Variants in SOX6 observed in about 807,000 individuals in gnomAD.
The protein encoded by SOX6 is SRY-box transcription factor 6.
A neutral mutation model predicts 97.8 loss-of-function variants in SOX6; 11 were observed. That is an observed-to-expected ratio of 0.11 (90% CI 0.07 to 0.19). SOX6 has a LOEUF of 0.19. Ranked by LOEUF, SOX6 falls within the 10% of genes least tolerant of loss-of-function variation. The pLI, the probability that SOX6 is intolerant of heterozygous loss-of-function variation, is 1.00. For synonymous variants in SOX6, 360 were observed against 371.4 expected (o/e 0.97, Z 0.35); for missense variants, 810 against 1,039.5 (o/e 0.78, Z 3.04).
At chr11:16,109,751 A>T (rs138252321) in intron 7 of SOX6, among the ~76,000 whole-genome samples, 80 of 152,340 alleles carry the variant, frequency 5.3e-4, no homozygotes, top group Middle Eastern at 6.8e-3. Flanking sequence ...CAAAATATTG[A>T]AAGAATTAGA....
At chr11:16,353,239 G>C (rs1275474911) in intron 1 of SOX6, among the ~76,000 whole-genome samples, 4 of 151,944 alleles carry the variant, frequency 2.6e-5, no homozygotes, top group Non-Finnish European at 4.4e-5. Context: ...GTTGAGAACA[G>C]CCTTGAGAGA....
intron 3 of SOX6, among the ~76,000 whole-genome samples, chr11:16,263,831 A>G (rs1464295282): frequency 6.6e-6 from 1 of 151,896 alleles, no homozygotes; most frequent in Non-Finnish European, 1.5e-5. Context: ...AAAGTCCTCA[A>G]ATGTTAACAG....
intron 1 of SOX6, among the ~76,000 whole-genome samples, chr11:16,461,107 A>G (rs1006193718): frequency 6.6e-5 from 10 of 152,166 alleles, no homozygotes; most frequent in African/African-American, 2.4e-4. Context: ...CACTGACAAG[A>G]GATATTTAGT....
intron 13 of SOX6, among the ~76,000 whole-genome samples, chr11:16,011,198 T>C (rs921501828): frequency 6.6e-6 from 1 of 151,994 alleles, no homozygotes; most frequent in Non-Finnish European, 1.5e-5. Context: ...TCAACAGCTG[T>C]TCACTATTCT....
At chr11:16,129,812 TA>T (rs1849695513) in intron 6 of SOX6, among the ~76,000 whole-genome samples, 1 of 152,068 alleles carries the variant, frequency 6.6e-6, no homozygotes, top group Admixed American at 6.5e-5. Context: ...TCAATCTGAT[TA>T]AAAGTATATT....
intron 4 of SOX6, among the ~76,000 whole-genome samples, chr11:16,563,915 C>T (rs2133193830): frequency 6.6e-6 from 1 of 152,298 alleles, no homozygotes; most frequent in East Asian, 1.9e-4. Flanking sequence ...GCAGATTTCT[C>T]ATCAGAAACC....
At chr11:16,683,875 A>C (rs1358194371) in intron 3 of SOX6, among the ~76,000 whole-genome samples, 1 of 152,234 alleles carries the variant, frequency 6.6e-6, no homozygotes, top group Non-Finnish European at 1.5e-5. Flanking sequence ...CAAAGAACTT[A>C]AACAAATTTA....
chr11:16,475,578 T>C (rs1180813177), intron 1 of SOX6, among the ~76,000 whole-genome samples: 1 of 152,162 alleles, frequency 6.6e-6, no homozygotes, highest in Non-Finnish European at 1.5e-5. Flanking sequence ...TGCCACCTTA[T>C]TTGGGCTTGT....
intron 4 of SOX6, among the ~76,000 whole-genome samples, chr11:16,573,868 G>T (rs976989599): frequency 6.6e-6 from 1 of 151,970 alleles, no homozygotes; most frequent in South Asian, 2.1e-4. Context: ...TGTTTGTATT[G>T]TTCACTTATC....
chr11:16,046,549 T>G lies in SOX6; in HGVS notation c.1588A>C (p.Asn530His), dbSNP rs781084339. Residue 530 changes from asparagine (N) to histidine (H), a missense_variant, in exon 12 of 16, where the codon AAT becomes CAT. This residue lies in a region of SOX6 where 120 missense variants were observed against 127.0 expected (regional missense o/e 0.94). Transcript: ENST00000683767. ...HGVDGKLSSI[N>H]NMGLNSCRNE... ...CTGCAGCTGTTCAGCCCCATATTATTTATGGAGGACAGTTTCCCGTCAACA... is the reference window on the plus strand; with the variant it reads ...CTGCAGCTGTTCAGCCCCATATTATGTATGGAGGACAGTTTCCCGTCAACA... 1.9e-6 allele frequency: 3 copies of G among 1,613,550 alleles called. No individual in the cohort carries two copies. The South Asian group carries it at 3.3e-5, about 18-fold the overall frequency.
rs983261568 is a variant in SOX6 at position 16,696,167 on chromosome 11, C to T, written n.429+18663G>A. Among the ~76,000 whole-genome samples the T allele has an allele frequency of 3.3e-5, 5 of 152,188 alleles. No homozygotes were observed. In the South Asian group the frequency reaches 1.0e-3, roughly 32 times the overall value. Reference sequence around the variant, plus strand: ...ATTGATTATAAACAGAAATTTATCTCAGTCTACCTATTTAAAATCTAAATG... The same window carrying T: ...ATTGATTATAAACAGAAATTTATCTTAGTCTACCTATTTAAAATCTAAATG... On this transcript the variant is annotated intron_variant and non_coding_transcript_variant, in intron 3 of 5. Coordinates refer to the SOX6 transcript ENST00000524520.
At chr11:16,249,096 C>G (rs200904900) in intron 3 of SOX6, among the ~76,000 whole-genome samples, 13 of 146,716 alleles carry the variant, frequency 8.9e-5, no homozygotes, top group Non-Finnish European at 1.5e-4. Context: ...GGCTCTGTCT[C>G]AAAAAAAAAA....
chr11:16,101,506 C>T (rs867597407), intron 7 of SOX6, among the ~76,000 whole-genome samples: 7 of 151,558 alleles, frequency 4.6e-5, no homozygotes, highest in Non-Finnish European at 7.4e-5. Context: ...GTTTTTTCTA[C>T]CTTTAAGAAA....
intron 9 of SOX6, among the ~76,000 whole-genome samples, chr11:16,065,209 T>C (rs1259185352): frequency 6.6e-6 from 1 of 152,048 alleles, no homozygotes; most frequent in Non-Finnish European, 1.5e-5. Context: ...CAATAGCATT[T>C]CTATATTCTA....
chr11:16,319,066 C>T (rs190805989), intron 2 of SOX6, among the ~76,000 whole-genome samples: 1 of 152,166 alleles, frequency 6.6e-6, no homozygotes, highest in Non-Finnish European at 1.5e-5. Flanking sequence ...AACACTCTTC[C>T]CACAACATAA....
intron 6 of SOX6, among the ~76,000 whole-genome samples, chr11:16,158,551 C>T (rs1046329295): frequency 2.0e-5 from 3 of 151,934 alleles, no homozygotes; most frequent in Non-Finnish European, 4.4e-5. Flanking sequence ...CAAATGATGA[C>T]TAAATGTGTA....
intron 6 of SOX6, among the ~76,000 whole-genome samples, chr11:16,153,905 C>A (rs1242100391): frequency 6.6e-6 from 1 of 151,912 alleles, no homozygotes; most frequent in African/African-American, 2.4e-5. Flanking sequence ...TGGAGAGTAC[C>A]ACACAATCTT....
chr11:16,411,408 T>C (rs1858815921), intron 1 of SOX6, among the ~76,000 whole-genome samples: 1 of 152,146 alleles, frequency 6.6e-6, no homozygotes, highest in Non-Finnish European at 1.5e-5. Flanking sequence ...ATGTGAGACA[T>C]ATCTATAAGG....
intron 4 of SOX6, among the ~76,000 whole-genome samples, chr11:16,583,795 A>G (rs1393204660): frequency 6.6e-6 from 1 of 151,220 alleles, no homozygotes; most frequent in Admixed American, 6.6e-5. Flanking sequence ...GAATTGCTGG[A>G]TCATATGGTA....
Sources: allele counts gnomAD v4.1 joint callset (sites outside exome capture counted in the v4.1 genomes callset), GRCh38; gene constraint gnomAD v4.1.1; regional missense constraint gnomAD v4.1.1; transcripts MANE v1.5; gene names NCBI Gene and HGNC (gene_info 2026-07-23, HGNC 2026-07-21).